Variants in GSN observed in about 807,000 individuals in gnomAD.
GSN encodes actin-depolymerizing factor.
In GSN, 56 loss-of-function variants were observed where a neutral mutation model predicts 85.7. The ratio of observed to expected loss-of-function variants is 0.65; its 90% CI spans 0.53 to 0.82. GSN has a LOEUF of 0.82. GSN is among the 40% of genes least tolerant of loss of function. The pLI, the probability that GSN is intolerant of heterozygous loss-of-function variation, is 0.00. For missense variants in GSN, 857 were observed against 979.8 expected, an observed-to-expected ratio of 0.87 and a Z score of 1.67; for synonymous variants, 373 against 399.1, an observed-to-expected ratio of 0.93 and a Z score of 0.78.
Position 121,324,593 on chromosome 9 carries a change from T to TGCCA in GSN, c.1366_1369dup (p.Ile457SerfsTer9), listed in dbSNP as rs751680367. 10 of 1,547,550 alleles carry TGCCA rather than the reference T, an allele frequency of 6.5e-6. No individual in the cohort carries two copies. In the African/African-American group the frequency reaches 1.4e-4, roughly 21 times the overall value. ...CTACCCAGGATGAGGTCGCTGCATC[T>TGCCA]GCCATCCTGACTGCTCAGCTGGATG... On this transcript the variant is annotated frameshift_variant, in exon 12 of 18. Transcript: ENST00000432226. LOFTEE classifies it high-confidence loss of function.
intron 13 of GSN, 175 bp downstream of exon 13, chr9:121,326,857 T>A: frequency 1.3e-6 from 1 of 771,850 alleles, no homozygotes; most frequent in Non-Finnish European, 2.4e-6. Flanking sequence ...GACTCCCCCC[T>A]GTTTCAAGGA....
intron 2 of GSN, chr9:121,282,522 C>A (rs926823045): frequency 6.4e-6 from 8 of 1,253,488 alleles, no homozygotes; most frequent in Non-Finnish European, 7.1e-6. Flanking sequence ...CACCCACAGC[C>A]GGAGCTGTTC....
intron 2 of GSN, chr9:121,282,162 G>T: frequency 2.1e-6 from 1 of 483,982 alleles, no homozygotes. Context: ...TGGGCTGGAA[G>T]CCAGGAGACT....
rs2054214392 is a variant in GSN, at chr9:121,223,650, A to G, written c.-527-7515A>G. Among the ~76,000 whole-genome samples the G allele has an allele frequency of 2.0e-5, 3 of 151,730 alleles. No homozygotes were observed. The South Asian group carries it at 6.2e-4, about 31-fold the overall frequency. On this transcript the variant is annotated intron_variant, in intron 4 of 24. Coordinates refer to the GSN transcript ENST00000373823. ...TATTATTTTACTTATAACGTACTTT[A>G]TAAGTATATTATTATTATTATTATT...
intron 2 of GSN, among the ~76,000 whole-genome samples, chr9:121,289,624 T>G (rs904627957): frequency 2.0e-5 from 3 of 152,158 alleles, no homozygotes; most frequent in Non-Finnish European, 4.4e-5. Context: ...ACTCACTACC[T>G]CATCTTGTCT....
intron 5 of GSN, among the ~76,000 whole-genome samples, chr9:121,241,634 G>A (rs1186472808): frequency 6.6e-6 from 1 of 152,178 alleles, no homozygotes; most frequent in Non-Finnish European, 1.5e-5. Flanking sequence ...TGTAAAGCAC[G>A]TTTCATGCTA....
chr9:121,242,671 C>T (rs563027595), intron 5 of GSN, among the ~76,000 whole-genome samples: 4 of 152,270 alleles, frequency 2.6e-5, no homozygotes, highest in African/African-American at 4.8e-5. Context: ...TCCTTGACAG[C>T]GCAGCTCTGA....
At chr9:121,258,378 G>A (rs2055010906) in intron 6 of GSN, among the ~76,000 whole-genome samples, 1 of 151,836 alleles carries the variant, frequency 6.6e-6, no homozygotes, top group Non-Finnish European at 1.5e-5. Flanking sequence ...CATGAGAATT[G>A]CTTGAACCCA....
chr9:121,238,868 C>G, intron 5 of GSN: 1 of 530,508 alleles, frequency 1.9e-6, no homozygotes, highest in Admixed American at 1.9e-5. Context: ...GTACATCCTT[C>G]CCAATAGCTT....
intron 8 of GSN, chr9:121,317,633 C>A: frequency 3.4e-6 from 1 of 296,182 alleles, no homozygotes; most frequent in Non-Finnish European, 6.6e-6. Flanking sequence ...TGAAGATGAT[C>A]TGGTTTGGGA....
chr9:121,325,475 C>T (rs2063043603), intron 12 of GSN, among the ~76,000 whole-genome samples: 1 of 152,146 alleles, frequency 6.6e-6, no homozygotes, highest in Non-Finnish European at 1.5e-5. Context: ...GCCAGACCAC[C>T]AGAGGCCATA....
At chr9:121,201,774 G>A in the GSN span, 2 of 153,162 alleles carry the variant, frequency 1.3e-5, no homozygotes, top group African/African-American at 2.4e-5. Context: ...GGCAGGCCGA[G>A]AGGTGCAGAC....
chr9:121,296,483 T>C (rs911043498), intron 2 of GSN, among the ~76,000 whole-genome samples: 1 of 152,124 alleles, frequency 6.6e-6, no homozygotes, highest in African/African-American at 2.4e-5. Flanking sequence ...GACTTGTAGG[T>C]CCTGGATTTG....
intron 1 of GSN, among the ~76,000 whole-genome samples, chr9:121,278,738 G>T (rs757920765): frequency 6.6e-6 from 1 of 152,240 alleles, no homozygotes; most frequent in Non-Finnish European, 1.5e-5. Flanking sequence ...CAGTGGTTTT[G>T]CTGACCTTGT....
intron 8 of GSN, 194 bp downstream of exon 8, chr9:121,317,412 G>C (rs988102596): frequency 1.6e-6 from 1 of 625,102 alleles, no homozygotes; most frequent in East Asian, 2.9e-5. Flanking sequence ...CCCTTTCTGG[G>C]CCTCAGATTC....
chr9:121,273,925 G>A (rs10985197), intron 1 of GSN, among the ~76,000 whole-genome samples: 5,487 of 152,264 alleles, frequency 0.036, 297 homozygotes, highest in Admixed American at 0.14. Context: ...GCTCCCCAGG[G>A]CTGTAGTTTG....
At chr9:121,297,162 A>G (rs558657672) in intron 2 of GSN, among the ~76,000 whole-genome samples, 1 of 152,370 alleles carries the variant, frequency 6.6e-6, no homozygotes, top group East Asian at 1.9e-4. Context: ...CACTATAAGC[A>G]TATTTTAAAA....
At chr9:121,293,181 C>T (rs2058857864) in intron 2 of GSN, among the ~76,000 whole-genome samples, 1 of 152,178 alleles carries the variant, frequency 6.6e-6, no homozygotes, top group Admixed American at 6.5e-5. Flanking sequence ...TGGTAGATCC[C>T]AGTGAAGGAT....
At chr9:121,298,580 A>G (rs1027163166) in intron 2 of GSN, among the ~76,000 whole-genome samples, 1 of 152,136 alleles carries the variant, frequency 6.6e-6, no homozygotes, top group East Asian at 1.9e-4. Flanking sequence ...GGCTATTTTC[A>G]TACCCACAGA....
Sources: gnomAD v4.1 joint callset for allele counts (sites outside exome capture counted in the v4.1 genomes callset) on GRCh38, gnomAD v4.1.1 for gene constraint, MANE v1.5 for transcripts, NCBI Gene and HGNC (gene_info 2026-07-23, HGNC 2026-07-21) for gene names.